SPAG1: variants seen among roughly 807,000 people sequenced by gnomAD.
SPAG1 encodes sperm-associated antigen 1.
A neutral mutation model predicts 100.5 loss-of-function variants in SPAG1; 69 were observed. The ratio of observed to expected loss-of-function variants is 0.69; its 90% confidence interval spans 0.57 to 0.84. The LOEUF (loss-of-function observed/expected upper bound fraction) is 0.84. SPAG1 is among the 40% of genes least tolerant of loss of function. SPAG1 has a pLI of 0.00. For missense variants in SPAG1, 955 were observed against 1,133.1 expected, an observed-to-expected ratio of 0.84 and a Z score of 2.26; for synonymous variants, 336 against 411.6, an observed-to-expected ratio of 0.82 and a Z score of 2.22.
At chr8:100,232,018 C>T (rs371887688) in intron 15 of SPAG1, among the ~76,000 whole-genome samples, 16 of 151,670 alleles carry the variant, frequency 1.1e-4, no homozygotes, top group African/African-American at 3.1e-4. Flanking sequence ...TGAAGTGCTG[C>T]GGGAAGGCAC....
intron 1 of SPAG1, among the ~76,000 whole-genome samples, chr8:100,162,076 C>T (rs1413850875): frequency 1.3e-5 from 2 of 152,144 alleles, no homozygotes; most frequent in Non-Finnish European, 1.5e-5. Flanking sequence ...TGCCCATAAT[C>T]CCAGCACTCT....
intron 10 of SPAG1, among the ~76,000 whole-genome samples, chr8:100,198,886 A>G (rs188939204): frequency 6.6e-6 from 1 of 152,318 alleles, no homozygotes; most frequent in Admixed American, 6.5e-5. Context: ...CATAGTATGT[A>G]GACTTTTGTA....
chr8:100,202,096 T>C (rs542931824), intron 10 of SPAG1, among the ~76,000 whole-genome samples: 1 of 152,198 alleles, frequency 6.6e-6, no homozygotes, highest in South Asian at 2.1e-4. Context: ...TATCTCCAGG[T>C]ATATAGCATC....
chr8:100,192,105 G>A (rs193271051), intron 9 of SPAG1, among the ~76,000 whole-genome samples: 4 of 152,262 alleles, frequency 2.6e-5, no homozygotes, highest in Admixed American at 2.6e-4. Context: ...CCACAGGGGT[G>A]ACATAGAGTG....
rs539231941 is a variant in SPAG1 at position 100,215,803 on chromosome 8, C to T, written c.1535+1885C>T. 2.3e-4 allele frequency among the ~76,000 whole-genome samples: 35 copies of T among 152,342 alleles called. No homozygotes were observed. In the South Asian group the frequency reaches 6.0e-3, roughly 26 times the overall value. On this transcript the variant is annotated intron_variant, in intron 12 of 18. Coordinates refer to ENST00000388798, the MANE Select transcript of SPAG1 (RefSeq NM_003114.5). ...CCTCCCAAAGTGCTGGGATTACAGG[C>T]GTGAGCCACCGCGCCCGGCCCAGTT...
intron 10 of SPAG1, among the ~76,000 whole-genome samples, chr8:100,202,486 G>A (rs1334227019): frequency 3.3e-5 from 5 of 149,946 alleles, no homozygotes; most frequent in African/African-American, 7.3e-5. Flanking sequence ...CGAGGCGGGC[G>A]GATCACGAGG....
intron 4 of SPAG1, among the ~76,000 whole-genome samples, chr8:100,182,685 G>C (rs1417110958): frequency 6.6e-6 from 1 of 152,014 alleles, no homozygotes; most frequent in Non-Finnish European, 1.5e-5. Flanking sequence ...GCAAACTTCT[G>C]ACTAATATAG....
intron 13 of SPAG1, among the ~76,000 whole-genome samples, chr8:100,223,951 T>C (rs774398646): frequency 6.6e-5 from 10 of 152,300 alleles, no homozygotes; most frequent in African/African-American, 2.4e-4. Context: ...TATATATAAA[T>C]ATAAAAGTTT....
intron 4 of SPAG1, 104 bp from the exon 5 acceptor site, chr8:100,183,271 C>T (rs766234459): frequency 2.6e-5 from 15 of 575,204 alleles, no homozygotes; most frequent in Admixed American, 2.0e-4. Flanking sequence ...CCGCACCTGG[C>T]TTCCATTTGT....
intron 2 of SPAG1, among the ~76,000 whole-genome samples, chr8:100,164,985 A>C (rs1238356342): frequency 6.6e-6 from 1 of 152,202 alleles, no homozygotes; most frequent in East Asian, 1.9e-4. Context: ...ATTCACCCCA[A>C]ATGAACTACC....
Position 100,220,354 on chromosome 8 carries a change from T to C in SPAG1, c.1611T>C (p.Tyr537=). The C allele has an allele frequency of 6.2e-7, 1 of 1,614,094 alleles. No homozygotes were observed. Among genetic ancestry groups the C allele is most frequent in the Non-Finnish European group, 8.5e-7 (1 of 1,179,930 alleles). Reference sequence around the variant, plus strand: ...TGGCCTATGAAACTCTAGAGCAGTATGGGAAAGCTTATGTGGATTATAAAA... The same window carrying C: ...TGGCCTATGAAACTCTAGAGCAGTACGGGAAAGCTTATGTGGATTATAAAA... ...RAMAYETLEQ[Y]GKAYVDYKTV... Residue 537 remains tyrosine (Y), a synonymous_variant, in exon 13 of 19, where the codon TAT becomes TAC. Coordinates refer to ENST00000388798, the MANE Select transcript of SPAG1 (RefSeq NM_003114.5).
At chr8:100,194,647 C>T (rs1045872296) in intron 10 of SPAG1, 1 of 387,224 alleles carries the variant, frequency 2.6e-6, no homozygotes, top group Non-Finnish European at 4.5e-6. Flanking sequence ...TATGGGTAGC[C>T]CCATTTATAT....
At chr8:100,205,969 A>G (rs1412317059) in intron 10 of SPAG1, among the ~76,000 whole-genome samples, 1 of 137,508 alleles carries the variant, frequency 7.3e-6, no homozygotes, top group African/African-American at 2.7e-5. Flanking sequence ...CAGTGAGCCG[A>G]GATCATGCCA....
At chr8:100,205,971 A>T (rs1425233156) in intron 10 of SPAG1, among the ~76,000 whole-genome samples, 1 of 141,144 alleles carries the variant, frequency 7.1e-6, no homozygotes, top group Non-Finnish European at 1.5e-5. Flanking sequence ...GTGAGCCGAG[A>T]TCATGCCACT....
intron 1 of SPAG1, among the ~76,000 whole-genome samples, chr8:100,161,985 C>T (rs1815326593): frequency 6.6e-6 from 1 of 152,180 alleles, no homozygotes; most frequent in Admixed American, 6.5e-5. Context: ...TCATCTGCAT[C>T]TCGTTATTGG....
chr8:100,162,141 C>A, intron 1 of SPAG1, 138 bp from the exon 2 acceptor site: 1 of 620,426 alleles, frequency 1.6e-6, no homozygotes, highest in African/African-American at 1.9e-5. Context: ...CCAGCCTGGG[C>A]AACATAGGGA....
chr8:100,161,682 T>C (rs1815313106), intron 1 of SPAG1, among the ~76,000 whole-genome samples: 1 of 152,158 alleles, frequency 6.6e-6, no homozygotes, highest in Non-Finnish European at 1.5e-5. Flanking sequence ...CCCAAACCTC[T>C]GTGATTTAGC....
At chr8:100,204,543 G>A (rs1329719392) in intron 10 of SPAG1, among the ~76,000 whole-genome samples, 1 of 151,956 alleles carries the variant, frequency 6.6e-6, no homozygotes. Context: ...TAGATTATTT[G>A]CTTGGTTAGC....
intron 3 of SPAG1, among the ~76,000 whole-genome samples, chr8:100,170,628 A>G (rs1423958057): frequency 6.6e-6 from 1 of 152,100 alleles, no homozygotes; most frequent in East Asian, 1.9e-4. Flanking sequence ...TCAATTTTTA[A>G]TTATACAAGT....
Sources: gnomAD v4.1 joint callset for allele counts (sites outside exome capture counted in the v4.1 genomes callset) on GRCh38, gnomAD v4.1.1 for gene constraint, MANE v1.5 for transcripts, NCBI Gene and HGNC (gene_info 2026-07-23, HGNC 2026-07-21) for gene names.